Variants in TNIP1 observed in about 807,000 individuals in gnomAD.
The protein encoded by TNIP1 is TNFAIP3-interacting protein 1.
TNIP1 carries 22 observed loss-of-function variants against 86.6 expected under a neutral mutation model. That is an observed-to-expected ratio of 0.25 (90% CI 0.18 to 0.36). The LOEUF (loss-of-function observed/expected upper bound fraction) is 0.36. Ranked by LOEUF, TNIP1 falls within the 10% of genes least tolerant of loss-of-function variation. The pLI, the probability that TNIP1 is intolerant of heterozygous loss-of-function variation, is 1.00. For missense variants in TNIP1, 709 were observed against 820.6 expected, an observed-to-expected ratio of 0.86 and a Z score of 1.66; for synonymous variants, 294 against 313.0, an observed-to-expected ratio of 0.94 and a Z score of 0.64.
chr5:151,042,685 CAG>C lies in TNIP1; in HGVS notation c.1003-16_1003-15del, dbSNP rs1221930983. 1 of 1,613,620 alleles carries C rather than the reference CAG, an allele frequency of 6.2e-7. No homozygotes were observed. The highest frequency in any genetic ancestry group is 1.1e-5 in the South Asian group (1 of 91,076). ...CAGCTCAGTGATCTGGGTTCAGAGGCAGAGAGGAGTGTGTGAGGCAAGGATGT... is the reference window on the plus strand; with the variant it reads ...CAGCTCAGTGATCTGGGTTCAGAGGCAGAGGAGTGTGTGAGGCAAGGATGT... On this transcript the variant is annotated splice_polypyrimidine_tract_variant and intron_variant, in intron 10 of 17. Transcript: ENST00000521591.
At chr5:151,063,893 A>G (rs1761905575) in intron 2 of TNIP1, 146 bp from the exon 3 acceptor site, 1 of 1,001,850 alleles carries the variant, frequency 1.0e-6, no homozygotes. Flanking sequence ...CTGTGGGCCA[A>G]GTGGGACAAA....
At chr5:151,052,311 G>A (rs763655335) in intron 6 of TNIP1, 52 bp from the exon 7 acceptor site, 4 of 1,502,252 alleles carry the variant, frequency 2.7e-6, no homozygotes, top group African/African-American at 1.4e-5. Flanking sequence ...CCCCTCCCAG[G>A]TGCAGGCTGA....
chr5:151,055,948 C>T (rs578136270), intron 6 of TNIP1, among the ~76,000 whole-genome samples: 1 of 152,338 alleles, frequency 6.6e-6, no homozygotes, highest in South Asian at 2.1e-4. Context: ...AAGGCTAAGA[C>T]CCCCTGCCCA....
intron 5 of TNIP1, among the ~76,000 whole-genome samples, chr5:151,059,741 G>A (rs2113652690): frequency 6.7e-6 from 1 of 149,798 alleles, no homozygotes; most frequent in South Asian, 2.1e-4. Flanking sequence ...GGTGTGGAAT[G>A]AGGATGCTGG....
chr5:151,063,539 AG>A, intron 3 of TNIP1, 73 bp downstream of exon 3: 1 of 1,569,070 alleles, frequency 6.4e-7, no homozygotes. Context: ...TGGCATAAGA[AG>A]GGAGTTCACT....
Position 151,063,664 on chromosome 5 carries a change from G to A in TNIP1, c.220C>T (p.Pro74Ser), listed in dbSNP as rs1761872217. The stretch of plus-strand genomic sequence containing the variant: ...GAGCCCAAGGAGGGAGAAGGTGGTG[G>A]GAGCAGCTCGTTGTCCTTCACTAGC... ...EELVKDNELL[P>S]PPSPSLGSFD... Residue 74 changes from proline (P) to serine (S), a missense_variant, in exon 3 of 18, where the codon CCA (proline) becomes TCA (serine). Transcript: ENST00000521591. The A allele has an allele frequency of 2.5e-6, 4 of 1,614,116 alleles. No homozygotes were observed. The East Asian group carries it at 6.7e-5, about 27-fold the overall frequency.
chr5:151,033,924 G>A, intron 15 of TNIP1, 125 bp from the exon 16 acceptor site: 1 of 840,730 alleles, frequency 1.2e-6, no homozygotes, highest in Non-Finnish European at 1.7e-6. Flanking sequence ...AGGCTGGTAT[G>A]TGGTCATGAA....
chr5:151,042,876 G>A lies in TNIP1; in HGVS notation c.1002+20C>T. 6.2e-7 allele frequency: 1 copy of A among 1,613,148 alleles called. No individual in the cohort carries two copies. The highest frequency in any genetic ancestry group is 8.5e-7 in the Non-Finnish European group (1 of 1,179,956). On this transcript the variant is annotated intron_variant, in intron 10 of 17. Coordinates refer to ENST00000521591, the MANE Select transcript of TNIP1 (RefSeq NM_006058.5). ...AAGACCAGGCATGCCCTGTGGGCGT[G>A]GCCAGGAACCCCACATTACCTTCTG... is the stretch of plus-strand genomic sequence containing the variant.
intron 5 of TNIP1, among the ~76,000 whole-genome samples, chr5:151,057,463 C>T (rs754129478): frequency 7.9e-5 from 12 of 152,342 alleles, no homozygotes; most frequent in Middle Eastern, 3.4e-3. Context: ...CGATGGCTCA[C>T]GCCTGTAATC....
At chr5:151,061,288 G>A (rs370556624) in intron 4 of TNIP1, among the ~76,000 whole-genome samples, 140 of 152,144 alleles carry the variant, frequency 9.2e-4, no homozygotes, top group Middle Eastern at 6.8e-3. Context: ...GACCCTCATG[G>A]CCACCAAGAA....
At chr5:151,058,468 T>C (rs1234127557) in intron 5 of TNIP1, among the ~76,000 whole-genome samples, 1 of 152,330 alleles carries the variant, frequency 6.6e-6, no homozygotes, top group South Asian at 2.1e-4. Context: ...AGTGTTACCC[T>C]ACTGCAGACG....
chr5:151,031,482 G>A (rs534984466), intron 17 of TNIP1, among the ~76,000 whole-genome samples: 19 of 152,312 alleles, frequency 1.2e-4, no homozygotes, highest in African/African-American at 3.1e-4. Context: ...ATCTTTTCAC[G>A]AGTGGACACA....
rs1414650026 is a variant in TNIP1, at chr5:151,035,568, C to T, written c.1521+14G>A. The T allele has an allele frequency of 3.1e-6, 5 of 1,614,172 alleles. No homozygotes were observed. Among genetic ancestry groups the T allele is most frequent in the Non-Finnish European group, 4.2e-6 (5 of 1,180,024 alleles). ...GACAGGCCAGTTGCCCTTCCTGGGTCCAGTCACTCTTACCTGGGCATTTGA... is the reference window on the plus strand; with the variant it reads ...GACAGGCCAGTTGCCCTTCCTGGGTTCAGTCACTCTTACCTGGGCATTTGA... On this transcript the variant is annotated intron_variant, in intron 14 of 17. Coordinates refer to ENST00000521591, the MANE Select transcript of TNIP1 (RefSeq NM_006058.5).
chr5:151,042,580 C>G lies in TNIP1; in HGVS notation c.1094G>C (p.Arg365Pro). The stretch of plus-strand genomic sequence containing the variant: ...CTTGGACTTGGCCAGGAGGAGCTTG[C>G]GGTCAAAGTCACGCTGCTTCTGCTC... ...EREQKQRDFD[R>P]KLLLAKSKIE... The change falls in exon 11 of 18, where the codon CGC (arginine) becomes CCC (proline). Residue 365 changes from arginine (R) to proline (P), a missense_variant. Coordinates refer to ENST00000521591, the MANE Select transcript of TNIP1 (RefSeq NM_006058.5). 6.2e-7 allele frequency: 1 copy of G among 1,613,620 alleles called. No homozygotes were observed. The highest frequency in any genetic ancestry group is 8.5e-7 in the Non-Finnish European group (1 of 1,179,990).
intron 6 of TNIP1, among the ~76,000 whole-genome samples, chr5:151,054,660 C>T (rs897950450): frequency 7.9e-5 from 12 of 152,038 alleles, no homozygotes; most frequent in African/African-American, 2.9e-4. Flanking sequence ...GCCTGGGTGG[C>T]GGAGCAAGAC....
chr5:151,065,010 A>C lies in TNIP1; in HGVS notation c.86T>G (p.Val29Gly), dbSNP rs750804358. 17 of 1,613,996 alleles carry C rather than the reference A, an allele frequency of 1.1e-5. No homozygotes were observed. In the African/African-American group the frequency reaches 1.3e-4, roughly 13 times the overall value. The change falls in exon 2 of 18, where the codon GTG becomes GGG. Residue 29 changes from valine to glycine, a missense_variant. Val to Gly is a moderately radical substitution (Grantham distance 109). Coordinates refer to ENST00000521591, the MANE Select transcript of TNIP1 (RefSeq NM_006058.5). ...TTCCTTCAGCCGGGAATTCTCCTTC[A>C]CTAGGCGCTCAAAAGCTGCGGATGC... ...GEASAAFERLVKENSRLKEKM... is the reference protein window; with the variant it reads ...GEASAAFERLGKENSRLKEKM...
intron 9 of TNIP1, among the ~76,000 whole-genome samples, chr5:151,043,898 A>G (rs10051105): frequency 0.1 from 15,494 of 152,140 alleles, 1,153 homozygotes; most frequent in African/African-American, 0.21. Context: ...AAGAAAAACA[A>G]CCCTACATCA....
intron 1 of TNIP1, among the ~76,000 whole-genome samples, chr5:151,066,843 C>G (rs1559126): frequency 0.051 from 7,773 of 152,150 alleles, 685 homozygotes; most frequent in African/African-American, 0.18. Context: ...GGACACAGAG[C>G]CAGAGGGGCA....
upstream of TNIP1, among the ~76,000 whole-genome samples, chr5:151,082,018 C>T (rs754104489): frequency 2.6e-5 from 4 of 152,114 alleles, no homozygotes; most frequent in African/African-American, 4.8e-5. Flanking sequence ...TGCAAAAGAC[C>T]CATTTCACTG....
Sources: allele counts gnomAD v4.1 joint callset (sites outside exome capture counted in the v4.1 genomes callset), GRCh38; gene constraint gnomAD v4.1.1; transcripts MANE v1.5; gene names NCBI Gene and HGNC (gene_info 2026-07-23, HGNC 2026-07-21).